The following MMRN1 variants were observed in gnomAD, a reference collection of about 807,000 sequenced individuals.
The protein encoded by MMRN1 is multimerin 1.
MMRN1 carries 94 observed loss-of-function variants against 100.7 expected under a neutral mutation model. The ratio of observed to expected loss-of-function variants is 0.93; its 90% CI spans 0.79 to 1.11. The LOEUF (loss-of-function observed/expected upper bound fraction) is 1.11. MMRN1 is among the 50% of genes least tolerant of loss of function. The pLI is 0.00. For synonymous variants in MMRN1, 575 were observed against 505.0 expected (o/e 1.14, Z -1.86); for missense variants, 1,606 against 1,439.1 (o/e 1.12, Z -1.88).
chr4:89,912,252 C>A (rs1433850147), intron 3 of MMRN1, among the ~76,000 whole-genome samples: 3 of 151,212 alleles, frequency 2.0e-5, no homozygotes, highest in East Asian at 3.9e-4. Context: ...CTTCTCCCCC[C>A]ATTTTTATGT....
At chr4:89,941,731 A>G (rs1217021273) in intron 6 of MMRN1, among the ~76,000 whole-genome samples, 1 of 152,178 alleles carries the variant, frequency 6.6e-6, no homozygotes, top group Non-Finnish European at 1.5e-5. Context: ...CTTTCTAAAG[A>G]TATCAGTCTC....
At position 89,924,519 on chromosome 4, in the gene MMRN1, A is replaced by AAT. The variant is rs200085236; in HGVS notation, c.955+1258_955+1259dup. 1.3e-3 allele frequency among the ~76,000 whole-genome samples: 199 copies of AAT among 151,290 alleles called. 3 individuals carry two copies. Among genetic ancestry groups the AAT allele is most frequent in the East Asian group, 0.011 (59 of 5,170 alleles). On this transcript the variant is annotated intron_variant, in intron 4 of 7. Coordinates refer to ENST00000264790, the MANE Select transcript of MMRN1 (RefSeq NM_007351.3). ...TATCATGAAATTTAAGTGATTTTTA[A>AAT]ATATATATATATTAATTTTTAATTA...
At chr4:89,948,742 T>C (rs1311053352) in intron 6 of MMRN1, among the ~76,000 whole-genome samples, 1 of 152,164 alleles carries the variant, frequency 6.6e-6, no homozygotes, top group African/African-American at 2.4e-5. Flanking sequence ...TGGCAGAGAC[T>C]TGGAAAGTCC....
chr4:89,923,583 T>C (rs75121139), intron 4 of MMRN1, among the ~76,000 whole-genome samples: 11,766 of 152,260 alleles, frequency 0.077, 688 homozygotes, highest in African/African-American at 0.16. Flanking sequence ...CCAAAGAGTG[T>C]CATTATGGAA....
chr4:89,904,402 C>T (rs1456544632), intron 1 of MMRN1, among the ~76,000 whole-genome samples: 1 of 151,584 alleles, frequency 6.6e-6, no homozygotes, highest in African/African-American at 2.4e-5. Flanking sequence ...TTTCATCTTC[C>T]CAAACTGAAG....
intron 1 of MMRN1, among the ~76,000 whole-genome samples, chr4:89,882,154 A>G (rs1037459384): frequency 2.0e-5 from 3 of 151,846 alleles, no homozygotes; most frequent in Non-Finnish European, 4.4e-5. Flanking sequence ...TCTTAATTTT[A>G]CTACCTTAAG....
At position 89,940,741 on chromosome 4, in the gene MMRN1, ATTAAG is replaced by A. The variant is rs1347693068; in HGVS notation, c.3118+3947_3118+3951del. ...CAAGAATATAATCTGCAGATAGTGT[ATTAAG>A]TTATTACTATATGATGCAATTTTCT... On this transcript the variant is annotated intron_variant, in intron 6 of 7. Coordinates refer to ENST00000264790, the MANE Select transcript of MMRN1 (RefSeq NM_007351.3). Among the ~76,000 whole-genome samples the A allele has an allele frequency of 1.2e-4, 19 of 152,310 alleles. No individual in the cohort carries two copies. The East Asian group carries it at 2.1e-3, about 17-fold the overall frequency.
At chr4:89,949,731 T>G (rs922584561) in intron 6 of MMRN1, among the ~76,000 whole-genome samples, 1 of 152,232 alleles carries the variant, frequency 6.6e-6, no homozygotes, top group Non-Finnish European at 1.5e-5. Context: ...CTGATTAATT[T>G]CTCATTACAT....
Position 89,936,766 on chromosome 4 carries a change from C to G in MMRN1, c.3086C>G (p.Thr1029Ser), listed in dbSNP as rs1722659218. The G allele has an allele frequency of 6.2e-7, 1 of 1,603,024 alleles. No individual in the cohort carries two copies. Among genetic ancestry groups the G allele is most frequent in the Non-Finnish European group, 8.5e-7 (1 of 1,176,626 alleles). Residue 1029 changes from threonine (T) to serine (S), a missense_variant, in exon 6 of 8, where the codon ACT (threonine) becomes AGT (serine). By Grantham distance (58) the Thr-to-Ser change is moderately conservative (BLOSUM62 1). Transcript: ENST00000264790. Reference protein sequence around the residue: ...VNLTTVLIGRTQRNTDNIIYP... With the variant: ...VNLTTVLIGRSQRNTDNIIYP... The stretch of plus-strand genomic sequence containing the variant: ...CTTACCACAGTCCTGATAGGCCGGA[C>G]TCAAAGAAACACGGACAACATAATA...
chr4:89,943,342 C>T (rs781642428), intron 6 of MMRN1, among the ~76,000 whole-genome samples: 26 of 152,066 alleles, frequency 1.7e-4, no homozygotes, highest in Non-Finnish European at 2.8e-4. Context: ...ATCATGTGTA[C>T]GTGTATTTAG....
chr4:89,904,484 CTG>C (rs1721496425), intron 1 of MMRN1, among the ~76,000 whole-genome samples: 1 of 151,706 alleles, frequency 6.6e-6, no homozygotes, highest in Non-Finnish European at 1.5e-5. Context: ...ATTCTATTTT[CTG>C]TCTCTATGAA....
chr4:89,937,859 A>G (rs1372804351), intron 6 of MMRN1, among the ~76,000 whole-genome samples: 2 of 152,146 alleles, frequency 1.3e-5, no homozygotes, highest in Non-Finnish European at 2.9e-5. Context: ...GTATTTGGGA[A>G]GAAAGAGGAA....
In MMRN1 at chr4:89,936,564, G is replaced by A. The variant is rs1330768814; in HGVS notation, c.2884G>A (p.Gly962Ser). Residue 962 changes from glycine (G) to serine (S), a missense_variant, in exon 6 of 8, where the codon GGT (glycine) becomes AGT (serine). Physicochemically the swap from Gly to Ser is moderately conservative, Grantham distance 56. Transcript: ENST00000264790. ...GCCAGATATTCAACTTCTTCAGAAAGGTCTAACAGAATTTGTGGAACCAAT... is the reference window on the plus strand; with the variant it reads ...GCCAGATATTCAACTTCTTCAGAAAAGTCTAACAGAATTTGTGGAACCAAT... ...SLPDIQLLQK[G>S]LTEFVEPIIQ... The A allele has an allele frequency of 6.2e-7, 1 of 1,612,266 alleles. No homozygotes were observed. The highest frequency in any genetic ancestry group is 8.5e-7 in the Non-Finnish European group (1 of 1,179,394).
intron 1 of MMRN1, among the ~76,000 whole-genome samples, chr4:89,903,241 AC>A (rs1721448040): frequency 6.6e-6 from 1 of 151,838 alleles, no homozygotes; most frequent in Admixed American, 6.6e-5. Flanking sequence ...TTGATTAAAA[AC>A]TTCTCTTTTT....
At chr4:89,882,308 A>T (rs1720838234) in intron 1 of MMRN1, among the ~76,000 whole-genome samples, 1 of 150,848 alleles carries the variant, frequency 6.6e-6, no homozygotes, top group South Asian at 2.1e-4. Context: ...TATATATATA[A>T]ATATATATAA....
In MMRN1 at chr4:89,953,849, T is replaced by A. The variant is rs1435959087; in HGVS notation, c.*431T>A. On this transcript the variant is annotated 3_prime_UTR_variant, in exon 8 of 8. Coordinates refer to ENST00000264790, the MANE Select transcript of MMRN1 (RefSeq NM_007351.3). The stretch of plus-strand genomic sequence containing the variant: ...AGATTCACAAATTTAAATAAATTAC[T>A]CAAAAAATGAAAATTGATTTTGTAA... The A allele has an allele frequency of 1.3e-5, 2 of 152,728 alleles. No homozygotes were observed. Among genetic ancestry groups the A allele is most frequent in the African/African-American group, 4.8e-5 (2 of 41,476 alleles). 9.5% of individuals were successfully genotyped at this position (152,728 alleles called of 1,614,324 possible).
At chr4:89,882,358 A>G (rs963900219) in intron 1 of MMRN1, among the ~76,000 whole-genome samples, 1 of 151,426 alleles carries the variant, frequency 6.6e-6, no homozygotes, top group Non-Finnish European at 1.5e-5. Flanking sequence ...TTCTTTAATA[A>G]AATTAGAAAA....
In MMRN1 at chr4:89,953,143, AGAATTC is replaced by A; in HGVS notation, c.3413_3418del (p.Arg1138_Pro1140delinsThr). 1 of 1,613,880 alleles carries A rather than the reference AGAATTC, an allele frequency of 6.2e-7. No homozygotes were observed. Among genetic ancestry groups the A allele is most frequent in the Non-Finnish European group, 8.5e-7 (1 of 1,179,874 alleles). On this transcript the variant is annotated inframe_deletion, in exon 8 of 8. Coordinates refer to ENST00000264790, the MANE Select transcript of MMRN1 (RefSeq NM_007351.3). ...ATATACCCCAAGAACTGGAAAATTT[AGAATTC>A]CGTATCTTGGAGTATATGTTTTCAA...
intron 3 of MMRN1, among the ~76,000 whole-genome samples, chr4:89,917,625 A>G (rs1560587452): frequency 6.6e-6 from 1 of 151,904 alleles, no homozygotes; most frequent in African/African-American, 2.4e-5. Flanking sequence ...GATTTCTACA[A>G]ATTATATTGA....
Sources: allele counts gnomAD v4.1 joint callset (sites outside exome capture counted in the v4.1 genomes callset), GRCh38; gene constraint gnomAD v4.1.1; transcripts MANE v1.5; gene names NCBI Gene and HGNC (gene_info 2026-07-23, HGNC 2026-07-21).